The following RNF150 variants were observed in gnomAD, a reference collection of about 807,000 sequenced individuals.
RNF150 encodes ring finger protein 150.
A neutral mutation model predicts 39.3 loss-of-function variants in RNF150; 24 were observed. That is an observed-to-expected ratio of 0.61 (90% confidence interval 0.44 to 0.86). The LOEUF (loss-of-function observed/expected upper bound fraction) is 0.86. Among genes scored for constraint, RNF150 ranks in the 40% least tolerant of loss-of-function variants. The probability of loss-of-function intolerance (pLI) is 0.00; values close to 1 mark genes in which losing one functional copy is unlikely to be tolerated. For missense variants in RNF150, 502 were observed against 587.8 expected, an observed-to-expected ratio of 0.85 and a Z score of 1.51; for synonymous variants, 255 against 227.3, an observed-to-expected ratio of 1.12 and a Z score of -1.10.
At position 140,863,644 on chromosome 4, in the gene RNF150, G is replaced by T. The variant is rs1423104772; in HGVS notation, c.*4617C>A. 5.3e-5 allele frequency: 8 copies of T among 152,112 alleles called. No homozygotes were observed. The highest frequency in any genetic ancestry group is 1.4e-4 in the African/African-American group (6 of 41,404). The allele number at this position is 152,112 out of a possible 1,614,324, so 9.4% of individuals were successfully genotyped here. A position where few individuals can be genotyped will look rare whatever the true frequency, so the allele number is the denominator to read the frequency against. ...GAAGATGGGAAAATAATTTATGTAT[G>T]GGTATACAAAGTAAGATATAGGCAG... On this transcript the variant is annotated 3_prime_UTR_variant, in exon 7 of 7. Transcript: ENST00000515673.
intron 1 of RNF150, among the ~76,000 whole-genome samples, chr4:141,034,714 C>A (rs1736077119): frequency 2.0e-5 from 3 of 151,928 alleles, no homozygotes; most frequent in African/African-American, 7.3e-5. Context: ...AACAGGCAGG[C>A]CGAAGGAGAG....
chr4:141,199,648 A>T (rs564698515), intron 1 of RNF150, among the ~76,000 whole-genome samples: 9 of 152,316 alleles, frequency 5.9e-5, no homozygotes, highest in Non-Finnish European at 1.0e-4. Context: ...GAAAAGCAAA[A>T]TTATAGGGAG....
At chr4:140,967,978 T>C (rs753705288) in intron 1 of RNF150, 105 bp from the exon 2 acceptor site, 64 of 995,308 alleles carry the variant, frequency 6.4e-5, no homozygotes, top group Non-Finnish European at 9.4e-5. Flanking sequence ...ATAAGGACAG[T>C]ACTTTTGAGA....
At chr4:141,015,473 T>C (rs991937930) in intron 1 of RNF150, among the ~76,000 whole-genome samples, 3 of 152,178 alleles carry the variant, frequency 2.0e-5, no homozygotes, top group Non-Finnish European at 2.9e-5. Context: ...TATTTTATCT[T>C]CTTGGTTAAA....
intron 1 of RNF150, among the ~76,000 whole-genome samples, chr4:141,091,163 CT>C (rs1166693356): frequency 6.6e-6 from 1 of 152,154 alleles, no homozygotes; most frequent in Non-Finnish European, 1.5e-5. Flanking sequence ...AGCAATGTAG[CT>C]TCGAGCAATT....
chr4:140,927,059 C>T (rs138779391), intron 4 of RNF150, among the ~76,000 whole-genome samples: 337 of 152,254 alleles, frequency 2.2e-3, no homozygotes, highest in African/African-American at 7.9e-3. Flanking sequence ...TCTAATAGTT[C>T]CAAAAACCTC....
intron 6 of RNF150, among the ~76,000 whole-genome samples, chr4:140,883,541 G>C (rs1211018155): frequency 1.1e-4 from 17 of 152,114 alleles, no homozygotes; most frequent in Non-Finnish European, 2.9e-5. Flanking sequence ...CAGTTTTTCA[G>C]TATATAGTAT....
upstream of RNF150, among the ~76,000 whole-genome samples, chr4:141,138,222 T>G (rs1159538876): frequency 6.6e-6 from 1 of 152,238 alleles, no homozygotes; most frequent in Non-Finnish European, 1.5e-5. Context: ...ATGGTTTAAT[T>G]AAAATTTTAT....
At chr4:140,973,897 A>AG (rs1225637167) in intron 1 of RNF150, among the ~76,000 whole-genome samples, 2 of 150,404 alleles carry the variant, frequency 1.3e-5, no homozygotes, top group Non-Finnish European at 3.0e-5. Context: ...AAAAAAAAAA[A>AG]GAAGAGGTAA....
At chr4:141,106,423 G>A (rs1016349070) in intron 1 of RNF150, among the ~76,000 whole-genome samples, 3 of 152,178 alleles carry the variant, frequency 2.0e-5, no homozygotes, top group African/African-American at 7.2e-5. Context: ...ATGTGAGTTT[G>A]AGTCCTAGCT....
chr4:140,913,559 C>G (rs1730700554), intron 5 of RNF150, among the ~76,000 whole-genome samples: 1 of 152,110 alleles, frequency 6.6e-6, no homozygotes. Flanking sequence ...CTTTAATTCC[C>G]AGGTCCAGTG....
chr4:141,060,674 T>C (rs1737182828), intron 1 of RNF150, among the ~76,000 whole-genome samples: 1 of 152,120 alleles, frequency 6.6e-6, no homozygotes, highest in South Asian at 2.1e-4. Flanking sequence ...ACCCCTACTA[T>C]AAAGACACAT....
chr4:140,968,574 A>G (rs527379238), intron 1 of RNF150, among the ~76,000 whole-genome samples: 1 of 151,994 alleles, frequency 6.6e-6, no homozygotes, highest in South Asian at 2.1e-4. Flanking sequence ...CCATTGAACC[A>G]CAAGGCACAT....
intron 1 of RNF150, among the ~76,000 whole-genome samples, chr4:141,095,797 G>A (rs1738750769): frequency 2.0e-5 from 3 of 152,246 alleles, no homozygotes; most frequent in South Asian, 2.1e-4. Context: ...CTCTGGGAAG[G>A]GGAGAAAAAT....
At chr4:141,078,732 G>C (rs988079989) in intron 1 of RNF150, among the ~76,000 whole-genome samples, 2 of 144,932 alleles carry the variant, frequency 1.4e-5, no homozygotes, top group African/African-American at 5.2e-5. Flanking sequence ...GGAGCTTGCA[G>C]TGAGCCGAGA....
chr4:140,966,932 A>C (rs917256093), intron 2 of RNF150, among the ~76,000 whole-genome samples: 1 of 152,172 alleles, frequency 6.6e-6, no homozygotes, highest in Non-Finnish European at 1.5e-5. Context: ...GGTTAAATAG[A>C]CGTGACACAT....
chr4:141,132,471 C>T lies in RNF150; in HGVS notation c.338G>A (p.Arg113His), dbSNP rs147148834. 191 of 1,608,742 alleles carry T rather than the reference C, an allele frequency of 1.2e-4. 2 individuals are homozygous for T. The African/African-American group carries it at 2.4e-3, about 20-fold the overall frequency. ...DPNTKFAAPTRGKNWIALIPK... is the reference protein window; with the variant it reads ...DPNTKFAAPTHGKNWIALIPK... ...GATGAGGGCTATCCAGTTCTTGCCG[C>T]GGGTCGGGGCGGCGAACTTGGTGTT... The change falls in exon 1 of 7, where the codon CGC becomes CAC. Residue 113 changes from arginine (R) to histidine (H), a missense_variant. Physicochemically the swap from Arg to His is conservative, Grantham distance 29 (BLOSUM62 0). Coordinates refer to ENST00000515673, the MANE Select transcript of RNF150 (RefSeq NM_020724.2). This position sits in a 1 kb window ranked among gnomAD's most constrained non-coding sequence, Gnocchi z 4.9.
intron 1 of RNF150, among the ~76,000 whole-genome samples, chr4:141,157,298 C>T (rs1727431255): frequency 6.6e-6 from 1 of 152,142 alleles, no homozygotes; most frequent in South Asian, 2.1e-4. Context: ...AATGGCCATC[C>T]ATACTGCTGC....
intron 2 of RNF150, among the ~76,000 whole-genome samples, chr4:140,951,274 T>C (rs540335115): frequency 3.3e-5 from 5 of 152,142 alleles, no homozygotes; most frequent in Non-Finnish European, 7.4e-5. Flanking sequence ...ATGCTTAGTT[T>C]TTGCTTCACA....
Sources: allele counts gnomAD v4.1 joint callset (sites outside exome capture counted in the v4.1 genomes callset), GRCh38; gene constraint gnomAD v4.1.1; non-coding constraint Gnocchi (gnomAD v3.1); transcripts MANE v1.5; gene names NCBI Gene and HGNC (gene_info 2026-07-23, HGNC 2026-07-21).